VTI1A: variants seen among roughly 807,000 people sequenced by gnomAD.
VTI1A encodes vesicle transport through interaction with t-SNAREs homolog 1A.
Under a neutral mutation model 34.9 loss-of-function variants are expected in VTI1A, and 22 were observed. The observed-to-expected ratio is 0.63, with a 90% CI of 0.45 to 0.90. The LOEUF (loss-of-function observed/expected upper bound fraction) is 0.90. Among genes scored for constraint, VTI1A ranks in the 40% least tolerant of loss-of-function variants. The probability of loss-of-function intolerance (pLI) is 0.00; values close to 1 mark genes in which losing one functional copy is unlikely to be tolerated. For synonymous variants in VTI1A, 87 were observed against 97.3 expected, an observed-to-expected ratio of 0.89 and a Z score of 0.62; for missense variants, 268 against 275.6, an observed-to-expected ratio of 0.97 and a Z score of 0.20.
intron 5 of VTI1A, among the ~76,000 whole-genome samples, chr10:112,641,035 GTTGTC>G (rs952896326): frequency 2.0e-5 from 3 of 151,544 alleles, no homozygotes; most frequent in African/African-American, 7.3e-5. Context: ...ATATTGCCCT[GTTGTC>G]TTGTGACTAT....
At chr10:112,452,033 A>G (rs1847259635) in intron 1 of VTI1A, among the ~76,000 whole-genome samples, 1 of 152,212 alleles carries the variant, frequency 6.6e-6, no homozygotes, top group African/African-American at 2.4e-5. Flanking sequence ...TGCTACAAGA[A>G]AATTTAAAAT....
At chr10:112,774,371 G>GCCTGCCTCTGCCATTGA (rs1410658684) in intron 7 of VTI1A, among the ~76,000 whole-genome samples, 1 of 152,146 alleles carries the variant, frequency 6.6e-6, no homozygotes, top group Non-Finnish European at 1.5e-5. Context: ...CATGACCTGG[G>GCCTGCCTCTGCCATTGA]CCTGCCTCTG....
chr10:112,538,149 C>A, intron 4 of VTI1A, 97 bp from the exon 5 acceptor site: 4 of 1,004,870 alleles, frequency 4.0e-6, no homozygotes, highest in Non-Finnish European at 6.0e-6. Context: ...CCCCCCCACC[C>A]CATGTTAGGG....
At chr10:112,676,783 A>G (rs1270262550) in intron 7 of VTI1A, among the ~76,000 whole-genome samples, 1 of 152,208 alleles carries the variant, frequency 6.6e-6, no homozygotes, top group African/African-American at 2.4e-5. Context: ...CAAACTGGCC[A>G]TAAATATATC....
At chr10:112,496,288 G>T (rs1326418391) in intron 3 of VTI1A, among the ~76,000 whole-genome samples, 1 of 150,344 alleles carries the variant, frequency 6.7e-6, no homozygotes, top group Non-Finnish European at 1.5e-5. Flanking sequence ...ATGAAGGTTG[G>T]GCCAGGTGCA....
intron 7 of VTI1A, among the ~76,000 whole-genome samples, chr10:112,753,654 T>C (rs1160202887): frequency 6.6e-6 from 1 of 152,238 alleles, no homozygotes; most frequent in African/African-American, 2.4e-5. Flanking sequence ...AAAGAGACTA[T>C]GCAAGAGCAA....
chr10:112,825,177 C>T, the VTI1A span: 1 of 152,272 alleles, frequency 6.6e-6, no homozygotes, highest in African/African-American at 2.4e-5. Flanking sequence ...GAGCATGGAG[C>T]CTCCCATCTC....
At chr10:112,562,706 G>C (rs1851769081) in intron 5 of VTI1A, among the ~76,000 whole-genome samples, 1 of 152,106 alleles carries the variant, frequency 6.6e-6, no homozygotes, top group African/African-American at 2.4e-5. Flanking sequence ...GAGAGAAAGA[G>C]AGAGAAGAGG....
intron 5 of VTI1A, among the ~76,000 whole-genome samples, chr10:112,642,846 C>A (rs544118114): frequency 2.0e-5 from 3 of 152,048 alleles, no homozygotes; most frequent in Non-Finnish European, 2.9e-5. Context: ...TGAATTGAGT[C>A]CAGAGGAGGG....
At chr10:112,629,879 C>G (rs1427385466) in intron 5 of VTI1A, among the ~76,000 whole-genome samples, 1 of 152,148 alleles carries the variant, frequency 6.6e-6, no homozygotes, top group Non-Finnish European at 1.5e-5. Flanking sequence ...ATATGCCATT[C>G]ATAAGTCTTT....
At chr10:112,714,860 T>C (rs553409142) in intron 7 of VTI1A, among the ~76,000 whole-genome samples, 2 of 152,356 alleles carry the variant, frequency 1.3e-5, no homozygotes, top group Non-Finnish European at 2.9e-5. Flanking sequence ...CCTACATAAC[T>C]CATCTTGAAA....
At chr10:112,529,623 A>G (rs539935123) in intron 4 of VTI1A, among the ~76,000 whole-genome samples, 1 of 152,178 alleles carries the variant, frequency 6.6e-6, no homozygotes, top group Admixed American at 6.5e-5. Context: ...TAATAAATTG[A>G]TTTTCAGAAC....
Position 112,451,714 on chromosome 10 carries a change from C to T in VTI1A, c.94+4247C>T, listed in dbSNP as rs554899117. Among the ~76,000 whole-genome samples, 6 of 152,282 alleles carry T rather than the reference C, an allele frequency of 3.9e-5. No homozygotes were observed. In the South Asian group the frequency reaches 1.0e-3, roughly 26 times the overall value. The stretch of plus-strand genomic sequence containing the variant: ...TGTCTAGACCATCTAGACTTAGCCA[C>T]GTGTAGATGAAGGCATAAACATACT... On this transcript the variant is annotated intron_variant, in intron 1 of 7. Coordinates refer to ENST00000393077, the MANE Select transcript of VTI1A (RefSeq NM_145206.4).
intron 7 of VTI1A, among the ~76,000 whole-genome samples, chr10:112,719,112 T>C (rs1849706081): frequency 6.6e-6 from 1 of 152,264 alleles, no homozygotes; most frequent in African/African-American, 2.4e-5. Context: ...TCTTTCACGA[T>C]GAAATACATT....
At chr10:112,454,844 G>T (rs911190262) in intron 1 of VTI1A, among the ~76,000 whole-genome samples, 1 of 151,928 alleles carries the variant, frequency 6.6e-6, no homozygotes. Flanking sequence ...CTATTTATTA[G>T]TTGTTGAACT....
chr10:112,732,544 G>A (rs545545301), intron 7 of VTI1A, among the ~76,000 whole-genome samples: 2 of 152,270 alleles, frequency 1.3e-5, no homozygotes, highest in African/African-American at 4.8e-5. Context: ...GACAAGCCCG[G>A]TCGTTTCTTT....
At chr10:112,680,628 T>C (rs1050528198) in intron 7 of VTI1A, among the ~76,000 whole-genome samples, 23 of 152,220 alleles carry the variant, frequency 1.5e-4, no homozygotes, top group Non-Finnish European at 3.1e-4. Flanking sequence ...TAGCTTAATA[T>C]CTAATTGGGA....
rs567785376 is a variant in VTI1A, at chr10:112,719,610, G to A, written c.560+50612G>A. On this transcript the variant is annotated intron_variant, in intron 7 of 7. Transcript: ENST00000393077. Reference sequence around the variant, plus strand: ...TGCCCAGGCTGCAGTGCAATGGTGCGATCTCGGCTCACCGCAACCTCCGCG... The same window carrying A: ...TGCCCAGGCTGCAGTGCAATGGTGCAATCTCGGCTCACCGCAACCTCCGCG... Among the ~76,000 whole-genome samples the A allele has an allele frequency of 5.3e-5, 8 of 151,658 alleles. No individual in the cohort carries two copies. The South Asian group carries it at 8.3e-4, about 16-fold the overall frequency.
chr10:112,454,637 G>A (rs1397883530), intron 1 of VTI1A, among the ~76,000 whole-genome samples: 1 of 150,136 alleles, frequency 6.7e-6, no homozygotes, highest in African/African-American at 2.5e-5. Context: ...AATGTATTGA[G>A]TAGGAAAGAA....
Sources: allele counts gnomAD v4.1 joint callset (sites outside exome capture counted in the v4.1 genomes callset), GRCh38; gene constraint gnomAD v4.1.1; transcripts MANE v1.5; gene names NCBI Gene and HGNC (gene_info 2026-07-23, HGNC 2026-07-21).